Variants in ATP9B observed in about 807,000 individuals in gnomAD.
ATP9B encodes ATPase phospholipid transporting 9B.
Under a neutral mutation model 146.1 loss-of-function variants are expected in ATP9B, and 110 were observed. That is an observed-to-expected ratio of 0.75 (90% CI 0.65 to 0.88). The LOEUF is 0.88. Ranked by LOEUF, ATP9B falls within the 40% of genes least tolerant of loss-of-function variation. The probability of loss-of-function intolerance (pLI) is 0.00; values close to 1 mark genes in which losing one functional copy is unlikely to be tolerated. For missense variants in ATP9B, 1,499 were observed against 1,496.4 expected (o/e 1.00, Z -0.03); for synonymous variants, 604 against 569.7 (o/e 1.06, Z -0.86).
chr18:79,078,107 C>A (rs1314914276), intron 1 of ATP9B: 1 of 152,410 alleles, frequency 6.6e-6, no homozygotes, highest in African/African-American at 2.4e-5. Context: ...CTTCCTACGG[C>A]TGGGGCGTGT....
intron 5 of ATP9B, among the ~76,000 whole-genome samples, chr18:79,142,524 C>A (rs921983358): frequency 6.6e-6 from 1 of 152,124 alleles, no homozygotes; most frequent in Non-Finnish European, 1.5e-5. Flanking sequence ...GTCAGTGGGG[C>A]ATCTCTACTG....
intron 2 of ATP9B, 107 bp from the exon 3 acceptor site, chr18:79,110,248 T>C: frequency 9.2e-7 from 1 of 1,085,462 alleles, no homozygotes; most frequent in Non-Finnish European, 1.2e-6. Flanking sequence ...TATTAGTGTG[T>C]GGTGAATACA....
At chr18:79,248,549 C>CAGCTGATGAAAGACA (rs2144938885) in intron 11 of ATP9B, among the ~76,000 whole-genome samples, 1 of 152,272 alleles carries the variant, frequency 6.6e-6, no homozygotes. Context: ...ACAAATAGTT[C>CAGCTGATGAAAGACA]AGCTGATGAA....
Position 79,172,532 on chromosome 18 carries a change from C to T in ATP9B, c.779-4281C>T, listed in dbSNP as rs1010372632. Among the ~76,000 whole-genome samples, 287 of 111,494 alleles carry T rather than the reference C, an allele frequency of 2.6e-3. 3 individuals carry two copies. The highest frequency in any genetic ancestry group is 0.011 in the Middle Eastern group (2 of 180). The allele number at this position is 111,494 out of a possible 152,430, so 73.1% of individuals were successfully genotyped here. A position where few individuals can be genotyped will look rare whatever the true frequency, so the allele number is the denominator to read the frequency against. On this transcript the variant is annotated intron_variant, in intron 7 of 29. Transcript: ENST00000426216. ...GCCACCGTGCCCCGCCCTTGCGATC[C>T]GCCTTGGCCTCCCAAGGTGCTGTGA...
chr18:79,369,018 T>G (rs2097052738), intron 26 of ATP9B, among the ~76,000 whole-genome samples: 2 of 152,212 alleles, frequency 1.3e-5, no homozygotes, highest in East Asian at 1.9e-4. Flanking sequence ...GTTCTTGATA[T>G]GCTTTGACTG....
In ATP9B at chr18:79,193,587, A is replaced by G. The variant is rs1191526012; in HGVS notation, c.954+324A>G. On this transcript the variant is annotated intron_variant, in intron 9 of 29. Coordinates refer to ENST00000426216, the MANE Select transcript of ATP9B (RefSeq NM_198531.5). ...ATACTATCTTATCCACATCATGTCT[A>G]GCTTTTTACTGTCTGAGTTGGGTGG... Among the ~76,000 whole-genome samples, 3 of 152,322 alleles carry G rather than the reference A, an allele frequency of 2.0e-5. No individual in the cohort carries two copies. In the East Asian group the frequency reaches 5.8e-4, roughly 29 times the overall value.
intron 26 of ATP9B, among the ~76,000 whole-genome samples, chr18:79,365,657 C>T (rs1282955838): frequency 6.6e-6 from 1 of 151,270 alleles, no homozygotes; most frequent in Non-Finnish European, 1.5e-5. Context: ...ACAGCCCATG[C>T]GTGGATGGAA....
chr18:79,239,100 C>T lies in ATP9B; in HGVS notation c.1108-14281C>T, dbSNP rs948321515. ...CCCCAACCCCCAGTCATCAAAACAA[C>T]GGGGTCAACTGGGAAGGAAGGATGG... On this transcript the variant is annotated intron_variant, in intron 11 of 29. Coordinates refer to ENST00000426216, the MANE Select transcript of ATP9B (RefSeq NM_198531.5). The surrounding 1 kb of genome is among the most constrained non-coding windows in gnomAD (Gnocchi z 5.1). Among the ~76,000 whole-genome samples the T allele has an allele frequency of 3.3e-5, 5 of 152,094 alleles. No individual in the cohort carries two copies. Among genetic ancestry groups the T allele is most frequent in the Admixed American group, 6.5e-5 (1 of 15,278 alleles).
chr18:79,286,292 A>G (rs1010166195), intron 13 of ATP9B, among the ~76,000 whole-genome samples: 1 of 151,798 alleles, frequency 6.6e-6, no homozygotes, highest in Admixed American at 6.6e-5. Context: ...CTTTTATTTC[A>G]TTGAGCAGTG....
rs1263046885 is a variant in ATP9B, at chr18:79,110,442, A to G, written c.381A>G (p.Glu127=). The stretch of plus-strand genomic sequence containing the variant: ...GGCTTGGATGTCCTGAAAAGTGTGA[A>G]GAAAAACATCCCAGGAATTCTATAA... The part of the protein sequence containing the change: ...TVWLGCPEKC[E]EKHPRNSIKN... Residue 127 remains glutamate, a synonymous_variant, in exon 3 of 30, where the codon GAA becomes GAG. Transcript: ENST00000426216. 1 of 1,613,238 alleles carries G rather than the reference A, an allele frequency of 6.2e-7. No homozygotes were observed. Among genetic ancestry groups the G allele is most frequent in the Non-Finnish European group, 8.5e-7 (1 of 1,179,376 alleles).
chr18:79,266,639 A>G (rs1229029670), intron 12 of ATP9B, among the ~76,000 whole-genome samples: 1 of 152,046 alleles, frequency 6.6e-6, no homozygotes, highest in Non-Finnish European at 1.5e-5. Flanking sequence ...ATTTTGCTAA[A>G]AGTTGTTTTA....
intron 25 of ATP9B, among the ~76,000 whole-genome samples, chr18:79,355,570 C>G (rs1456116666): frequency 6.6e-6 from 1 of 152,094 alleles, no homozygotes; most frequent in Non-Finnish European, 1.5e-5. Context: ...AGAGAGAAAA[C>G]TGACTGAAAA....
At chr18:79,077,586 A>G (rs2072767898) in intron 1 of ATP9B, among the ~76,000 whole-genome samples, 1 of 152,242 alleles carries the variant, frequency 6.6e-6, no homozygotes, top group Non-Finnish European at 1.5e-5. Flanking sequence ...ACAATGTACC[A>G]GAGGCCATTA....
At chr18:79,293,898 C>T (rs2096528952) in intron 13 of ATP9B, among the ~76,000 whole-genome samples, 1 of 152,070 alleles carries the variant, frequency 6.6e-6, no homozygotes, top group Non-Finnish European at 1.5e-5. Context: ...TTTAGCATCG[C>T]CTTGCATGTT....
intron 13 of ATP9B, among the ~76,000 whole-genome samples, chr18:79,287,959 T>G (rs1050633419): frequency 2.6e-5 from 4 of 151,662 alleles, no homozygotes; most frequent in African/African-American, 9.7e-5. Flanking sequence ...AGTTCTAGTT[T>G]GATTGCATTG....
At chr18:79,100,891 T>G (rs1376581216) in intron 2 of ATP9B, among the ~76,000 whole-genome samples, 1 of 152,134 alleles carries the variant, frequency 6.6e-6, no homozygotes, top group Non-Finnish European at 1.5e-5. Context: ...GTGAGACTCA[T>G]TCACTATCAG....
intron 2 of ATP9B, among the ~76,000 whole-genome samples, chr18:79,097,205 G>A (rs1247029084): frequency 6.6e-6 from 1 of 150,484 alleles, no homozygotes; most frequent in Non-Finnish European, 1.5e-5. Context: ...TATAGCTAAT[G>A]CATGATAGAA....
At chr18:79,234,706 T>C (rs1265856674) in intron 11 of ATP9B, among the ~76,000 whole-genome samples, 1 of 151,868 alleles carries the variant, frequency 6.6e-6, no homozygotes, top group Non-Finnish European at 1.5e-5. Context: ...GCTGTAAGCA[T>C]GCTTGCTGTG....
chr18:79,193,251 C>T lies in ATP9B; in HGVS notation c.942C>T (p.Gly314=), dbSNP rs1218526224. ...AAATGGACATTCACAGTTTCGAAGG[C>T]ACATTTACCAGGGTAAGTTAAACCT... ...KPQMDIHSFE[G]TFTREDSDPP... The change falls in exon 9 of 30, where the codon GGC becomes GGT. Residue 314 remains glycine, a synonymous_variant. Transcript: ENST00000426216. 1 of 1,607,374 alleles carries T rather than the reference C, an allele frequency of 6.2e-7. No homozygotes were observed. The highest frequency in any genetic ancestry group is 2.2e-5 in the East Asian group (1 of 44,786).
Sources: gnomAD v4.1 joint callset for allele counts (sites outside exome capture counted in the v4.1 genomes callset) on GRCh38, gnomAD v4.1.1 for gene constraint, Gnocchi (gnomAD v3.1) non-coding constraint, MANE v1.5 for transcripts, NCBI Gene and HGNC (gene_info 2026-07-23, HGNC 2026-07-21) for gene names.